The following GRM1 variants were observed in gnomAD, a reference collection of about 807,000 sequenced individuals.
GRM1 encodes metabotropic glutamate receptor 1.
In GRM1, 33 loss-of-function variants were observed where a neutral mutation model predicts 90.9. That is an observed-to-expected ratio of 0.36 (90% CI 0.28 to 0.49). The LOEUF is 0.49. GRM1 is among the 20% of genes least tolerant of loss of function. GRM1 has a pLI of 0.99. For synonymous variants in GRM1, 700 were observed against 613.2 expected (o/e 1.14, Z -2.09); for missense variants, 1,190 against 1,534.3 (o/e 0.78, Z 3.75).
At position 146,321,567 on chromosome 6, in the gene GRM1, G is replaced by T. The variant is rs1784190328; in HGVS notation, c.1186+16721G>T. 3.3e-5 allele frequency among the ~76,000 whole-genome samples: 5 copies of T among 151,582 alleles called. No homozygotes were observed. The South Asian group carries it at 8.3e-4, about 25-fold the overall frequency. On this transcript the variant is annotated intron_variant, in intron 3 of 7. Coordinates refer to ENST00000282753, the MANE Select transcript of GRM1 (RefSeq NM_001278064.2). Reference sequence around the variant, plus strand: ...TGATCTGTCTAATATTGACAGTGGGGTGTTAAATCTCCCACTATTATTATG... The same window carrying T: ...TGATCTGTCTAATATTGACAGTGGGTTGTTAAATCTCCCACTATTATTATG...
chr6:146,310,399 T>A (rs1163817978), intron 3 of GRM1, among the ~76,000 whole-genome samples: 1 of 152,196 alleles, frequency 6.6e-6, no homozygotes, highest in Non-Finnish European at 1.5e-5. Context: ...GCCCATTAGG[T>A]CCTTTGGTAA....
At chr6:146,242,480 A>T (rs1372000253) in intron 2 of GRM1, among the ~76,000 whole-genome samples, 1 of 152,154 alleles carries the variant, frequency 6.6e-6, no homozygotes, top group Non-Finnish European at 1.5e-5. Context: ...TGAATAATTT[A>T]TGGAAGAATA....
chr6:146,322,281 C>T (rs1239688909), intron 3 of GRM1, among the ~76,000 whole-genome samples: 3 of 152,150 alleles, frequency 2.0e-5, no homozygotes, highest in Admixed American at 2.0e-4. Context: ...AGCTTCATCC[C>T]AGAGGGTACC....
At chr6:146,245,537 C>G (rs902136061) in intron 2 of GRM1, among the ~76,000 whole-genome samples, 1 of 152,060 alleles carries the variant, frequency 6.6e-6, no homozygotes, top group African/African-American at 2.4e-5. Context: ...TTTTAAAAGT[C>G]AAGGACAGAT....
intron 1 of GRM1, among the ~76,000 whole-genome samples, chr6:146,075,194 A>G (rs1442084368): frequency 6.6e-6 from 1 of 152,202 alleles, no homozygotes; most frequent in African/African-American, 2.4e-5. Flanking sequence ...AAGAAGATAT[A>G]TTATTACCTT....
Position 146,110,776 on chromosome 6 carries a change from G to C in GRM1, c.701-48572G>C, listed in dbSNP as rs11155454. 4.9e-3 allele frequency among the ~76,000 whole-genome samples: 743 copies of C among 152,186 alleles called. 8 individuals carry two copies. Among genetic ancestry groups the C allele is most frequent in the African/African-American group, 0.017 (711 of 41,510 alleles). On this transcript the variant is annotated intron_variant, in intron 1 of 7. Coordinates refer to ENST00000282753, the MANE Select transcript of GRM1 (RefSeq NM_001278064.2). Reference sequence around the variant, plus strand: ...ATGGTTATTTAACTATGCCAAACTAGATGTTTAGAGATAAGGAATCAAACT... The same window carrying C: ...ATGGTTATTTAACTATGCCAAACTACATGTTTAGAGATAAGGAATCAAACT...
At chr6:146,100,781 G>A (rs1055126682) in intron 1 of GRM1, among the ~76,000 whole-genome samples, 1 of 152,114 alleles carries the variant, frequency 6.6e-6, no homozygotes, top group Admixed American at 6.5e-5. Flanking sequence ...ATAATCTGCT[G>A]GTAATATGAA....
At chr6:146,333,986 C>A (rs961464061) in intron 3 of GRM1, among the ~76,000 whole-genome samples, 2 of 152,148 alleles carry the variant, frequency 1.3e-5, no homozygotes, top group African/African-American at 2.4e-5. Context: ...CTGGGACCTG[C>A]CCATTGAAAG....
intron 2 of GRM1, 38 bp downstream of exon 2, chr6:146,159,635 TC>T: frequency 7.8e-7 from 1 of 1,288,508 alleles, no homozygotes; most frequent in Non-Finnish European, 1.1e-6. Flanking sequence ...TCTCTCTCTC[TC>T]TCTCTCACAC....
chr6:146,321,021 A>T lies in GRM1; in HGVS notation c.1186+16175A>T, dbSNP rs1784167521. 2.0e-5 allele frequency among the ~76,000 whole-genome samples: 3 copies of T among 151,280 alleles called. No individual in the cohort carries two copies. In the South Asian group the frequency reaches 6.3e-4, roughly 32 times the overall value. ...TTTCTTGTCTTCAGCTAGCCTTTGA[A>T]TTTTTTTGCTCTTGCTTCTCTAGTT... On this transcript the variant is annotated intron_variant, in intron 3 of 7. Coordinates refer to ENST00000282753, the MANE Select transcript of GRM1 (RefSeq NM_001278064.2).
At chr6:146,091,438 A>T (rs571186233) in intron 1 of GRM1, among the ~76,000 whole-genome samples, 1 of 152,190 alleles carries the variant, frequency 6.6e-6, no homozygotes, top group Non-Finnish European at 1.5e-5. Flanking sequence ...TTGGGAACAG[A>T]TGTGTGACAT....
chr6:146,276,279 A>C (rs1057202557), intron 2 of GRM1, among the ~76,000 whole-genome samples: 21 of 152,302 alleles, frequency 1.4e-4, no homozygotes, highest in African/African-American at 5.1e-4. Flanking sequence ...TGATTTTAGT[A>C]ATATAAATTT....
At chr6:146,250,837 G>A (rs531526106) in intron 2 of GRM1, among the ~76,000 whole-genome samples, 1 of 152,260 alleles carries the variant, frequency 6.6e-6, no homozygotes, top group African/African-American at 2.4e-5. Flanking sequence ...AGATTTAAGG[G>A]TATATTACTG....
intron 1 of GRM1, among the ~76,000 whole-genome samples, chr6:146,144,832 T>C (rs953011541): frequency 2.6e-5 from 4 of 152,330 alleles, no homozygotes; most frequent in African/African-American, 4.8e-5. Flanking sequence ...TCCTTAGAGG[T>C]TGGTTTAGTG....
At chr6:146,328,538 T>A (rs893694900) in intron 3 of GRM1, among the ~76,000 whole-genome samples, 1 of 152,192 alleles carries the variant, frequency 6.6e-6, no homozygotes, top group Non-Finnish European at 1.5e-5. Flanking sequence ...GTGATCCTCC[T>A]AAAAACATTA....
chr6:146,120,702 G>T lies in GRM1; in HGVS notation c.701-38646G>T, dbSNP rs1233157708. 1.6e-4 allele frequency among the ~76,000 whole-genome samples: 25 copies of T among 152,064 alleles called. 2 individuals are homozygous for T. Among genetic ancestry groups the T allele is most frequent in the Admixed American group, 1.6e-3 (24 of 15,266 alleles). On this transcript the variant is annotated intron_variant, in intron 1 of 7. Coordinates refer to ENST00000282753, the MANE Select transcript of GRM1 (RefSeq NM_001278064.2). ...CTGCATCTATTGAGATAATCATGTG[G>T]TTTTTGTCTTTGGTTCTATTTATAT...
intron 2 of GRM1, among the ~76,000 whole-genome samples, chr6:146,263,293 A>G (rs1170562576): frequency 6.6e-6 from 1 of 151,976 alleles, no homozygotes; most frequent in East Asian, 1.9e-4. Context: ...TGATGTGAGG[A>G]ATAGTTTATT....
intron 2 of GRM1, among the ~76,000 whole-genome samples, chr6:146,290,658 GTCTAT>G (rs1395175152): frequency 6.6e-6 from 1 of 152,060 alleles, no homozygotes; most frequent in African/African-American, 2.4e-5. Flanking sequence ...GAATGGGAAT[GTCTAT>G]ATACTGGTAC....
At chr6:146,425,660 C>G (rs999721099) in intron 7 of GRM1, among the ~76,000 whole-genome samples, 5 of 152,180 alleles carry the variant, frequency 3.3e-5, no homozygotes, top group African/African-American at 1.2e-4. Flanking sequence ...CCCAGTTGAA[C>G]CAGCTTCACC....
Sources: allele counts gnomAD v4.1 joint callset (sites outside exome capture counted in the v4.1 genomes callset), GRCh38; gene constraint gnomAD v4.1.1; transcripts MANE v1.5; gene names NCBI Gene and HGNC (gene_info 2026-07-23, HGNC 2026-07-21).